SDK1: variants seen among roughly 807,000 people sequenced by gnomAD.
SDK1 encodes the protein sidekick cell adhesion molecule 1.
A neutral mutation model predicts 245.5 loss-of-function variants in SDK1; 157 were observed. The observed-to-expected ratio is 0.64, with a 90% CI of 0.56 to 0.73. The LOEUF (loss-of-function observed/expected upper bound fraction) is 0.73. SDK1 is among the 30% of genes least tolerant of loss of function. The pLI, the probability that SDK1 is intolerant of heterozygous loss-of-function variation, is 0.00. For missense variants in SDK1, 3,583 were observed against 3,002.3 expected, an observed-to-expected ratio of 1.19 and a Z score of -4.52; for synonymous variants, 1,647 against 1,278.5, an observed-to-expected ratio of 1.29 and a Z score of -6.15.
chr7:3,503,889 T>C (rs1782300466), intron 1 of SDK1, among the ~76,000 whole-genome samples: 1 of 151,992 alleles, frequency 6.6e-6, no homozygotes, highest in Non-Finnish European at 1.5e-5. Flanking sequence ...TGGTGGCTCA[T>C]GCCCGTAATC....
chr7:3,959,189 GC>G (rs1273833924), intron 8 of SDK1, among the ~76,000 whole-genome samples, 175 bp downstream of exon 8: 1 of 152,142 alleles, frequency 6.6e-6, no homozygotes, highest in Non-Finnish European at 1.5e-5. Context: ...ATTTGACTTT[GC>G]CAAGCTTTTG....
chr7:3,386,211 G>A (rs1393088427), intron 1 of SDK1, among the ~76,000 whole-genome samples: 2 of 152,144 alleles, frequency 1.3e-5, no homozygotes, highest in Non-Finnish European at 2.9e-5. Flanking sequence ...AACTGATTGT[G>A]TAGTGTAAGG....
rs923464028 is a variant in SDK1, at chr7:3,615,559, G to A, written c.299-3521G>A. On this transcript the variant is annotated intron_variant, in intron 1 of 44. Transcript: ENST00000404826. ...AGATTATAAGCGCTTAAGGGACAGCGACTGTGTCTTACACTTTGTATTCTC... is the reference window on the plus strand; with the variant it reads ...AGATTATAAGCGCTTAAGGGACAGCAACTGTGTCTTACACTTTGTATTCTC... 2.0e-5 allele frequency among the ~76,000 whole-genome samples: 3 copies of A among 151,630 alleles called. 1 individual carries two copies. Among genetic ancestry groups the A allele is most frequent in the Non-Finnish European group, 2.9e-5 (2 of 67,820 alleles).
chr7:3,478,184 T>C (rs1261238305), intron 1 of SDK1, among the ~76,000 whole-genome samples: 1 of 152,176 alleles, frequency 6.6e-6, no homozygotes, highest in Non-Finnish European at 1.5e-5. Flanking sequence ...TTTCCTGAAG[T>C]TTCATGGCCA....
rs1780443790 is a variant in SDK1, at chr7:4,073,945, CAT to C, written c.3011-3051_3011-3050del. 2.0e-5 allele frequency among the ~76,000 whole-genome samples: 3 copies of C among 149,044 alleles called. No individual in the cohort carries two copies. In the South Asian group the frequency reaches 6.5e-4, roughly 32 times the overall value. On this transcript the variant is annotated intron_variant, in intron 20 of 44. Transcript: ENST00000404826. ...TGCTCAGGCCCCTCTCCCAGTTCCT[CAT>C]AGGCTGAGCACTATGGGGTGGGGCG...
In SDK1 at chr7:3,311,414, G is replaced by A. The variant is rs115424177; in HGVS notation, c.298+9530G>A. On this transcript the variant is annotated intron_variant, in intron 1 of 44. Transcript: ENST00000404826. ...TTCTAGGAGTATAAAGTAGATTGAA[G>A]TTCATTATGGAATGAATGGGTAGGG... Among the ~76,000 whole-genome samples the A allele has an allele frequency of 4.7e-3, 711 of 152,232 alleles. 7 individuals carry two copies. The highest frequency in any genetic ancestry group is 0.016 in the African/African-American group (682 of 41,524).
At chr7:3,431,143 C>A (rs575679624) in intron 1 of SDK1, among the ~76,000 whole-genome samples, 1 of 152,088 alleles carries the variant, frequency 6.6e-6, no homozygotes, top group African/African-American at 2.4e-5. Flanking sequence ...TCAAGTGATC[C>A]GCTTGCCTCA....
intron 5 of SDK1, among the ~76,000 whole-genome samples, chr7:3,906,722 G>C (rs1778955188): frequency 7.1e-6 from 1 of 141,642 alleles, no homozygotes; most frequent in African/African-American, 2.6e-5. Flanking sequence ...CTGCCTCCCA[G>C]GTTCAAGCAA....
intron 28 of SDK1, among the ~76,000 whole-genome samples, chr7:4,133,984 T>C (rs1785035914): frequency 6.6e-6 from 1 of 152,010 alleles, no homozygotes; most frequent in Admixed American, 6.6e-5. Context: ...TAAAAAAAAG[T>C]TTGGAGGCCT....
chr7:3,528,334 G>T (rs1210104126), intron 1 of SDK1, among the ~76,000 whole-genome samples: 2 of 150,516 alleles, frequency 1.3e-5, no homozygotes, highest in Non-Finnish European at 3.0e-5. Flanking sequence ...ATGATCGTCA[G>T]CTGGGGGTTG....
At chr7:3,394,665 C>T in intron 1 of SDK1, among the ~76,000 whole-genome samples, 1 of 151,882 alleles carries the variant, frequency 6.6e-6, no homozygotes, top group Non-Finnish European at 1.5e-5. Context: ...TTGAATGTCT[C>T]ATCATTTAAA....
intron 5 of SDK1, among the ~76,000 whole-genome samples, chr7:3,898,997 G>T (rs1232214641): frequency 6.6e-6 from 1 of 152,170 alleles, no homozygotes; most frequent in African/African-American, 2.4e-5. Flanking sequence ...AGGTGAAACA[G>T]TCCATATCTA....
At chr7:3,583,687 G>A (rs369906916) in intron 1 of SDK1, among the ~76,000 whole-genome samples, 22 of 152,122 alleles carry the variant, frequency 1.4e-4, no homozygotes, top group African/African-American at 5.1e-4. Context: ...GTAGTAAGAG[G>A]CAGGAGTCCC....
At chr7:3,591,434 G>A (rs758383650) in intron 1 of SDK1, among the ~76,000 whole-genome samples, 8 of 152,202 alleles carry the variant, frequency 5.3e-5, no homozygotes, top group Non-Finnish European at 7.3e-5. Context: ...ATTAATTCCT[G>A]CCTGGATGTC....
At chr7:3,431,456 T>C (rs925482649) in intron 1 of SDK1, among the ~76,000 whole-genome samples, 6 of 150,636 alleles carry the variant, frequency 4.0e-5, no homozygotes, top group Non-Finnish European at 5.9e-5. Context: ...TGAAAACATA[T>C]GCATTGGTGT....
intron 1 of SDK1, among the ~76,000 whole-genome samples, chr7:3,499,981 C>G (rs17133464): frequency 1.3e-5 from 2 of 152,026 alleles, no homozygotes; most frequent in Non-Finnish European, 2.9e-5. Flanking sequence ...TGGGAATTGA[C>G]GGAGATAGAG....
intron 4 of SDK1, among the ~76,000 whole-genome samples, chr7:3,667,612 C>A (rs974062456): frequency 1.3e-5 from 2 of 152,186 alleles, no homozygotes; most frequent in African/African-American, 4.8e-5. Context: ...ACTCTTCCTC[C>A]ACCAGGAGAC....
chr7:4,011,142 G>T, intron 15 of SDK1, 29 bp downstream of exon 15: 3 of 1,610,012 alleles, frequency 1.9e-6, no homozygotes, highest in Non-Finnish European at 2.5e-6. Flanking sequence ...AGGTGGGGGT[G>T]TGGAACAGCC....
chr7:4,008,753 A>C (rs1056644402), intron 14 of SDK1, among the ~76,000 whole-genome samples: 1 of 152,212 alleles, frequency 6.6e-6, no homozygotes, highest in African/African-American at 2.4e-5. Context: ...AGGGTACTAT[A>C]AATTAAAGAA....
Sources: gnomAD v4.1 joint callset for allele counts (sites outside exome capture counted in the v4.1 genomes callset) on GRCh38, gnomAD v4.1.1 for gene constraint, MANE v1.5 for transcripts, NCBI Gene and HGNC (gene_info 2026-07-23, HGNC 2026-07-21) for gene names.